The following PCDHGB7 variants were observed in gnomAD, a reference collection of about 807,000 sequenced individuals.
PCDHGB7 encodes protocadherin gamma-B7.
PCDHGB7 carries 37 observed loss-of-function variants against 61.4 expected under a neutral mutation model. The ratio of observed to expected loss-of-function variants is 0.60; its 90% CI spans 0.46 to 0.79. PCDHGB7 has a LOEUF of 0.79. Among genes scored for constraint, PCDHGB7 ranks in the 30% least tolerant of loss-of-function variants. PCDHGB7 has a pLI of 0.00. For missense variants in PCDHGB7, 1,166 were observed against 1,202.5 expected (o/e 0.97, Z 0.45); for synonymous variants, 464 against 503.5 (o/e 0.92, Z 1.05).
chr5:141,478,347 C>T, intron 1 of PCDHGB7: 2 of 1,613,802 alleles, frequency 1.2e-6, no homozygotes, highest in Non-Finnish European at 1.7e-6. Context: ...TCCTTGCACG[C>T]GGACGCCGTG....
intron 1 of PCDHGB7, chr5:141,430,838 G>C (rs866767896): frequency 1.3e-6 from 2 of 1,563,026 alleles, no homozygotes; most frequent in Middle Eastern, 1.7e-4. Context: ...GTGGGAGACC[G>C]GATGCACCCA....
chr5:141,462,070 G>C lies in PCDHGB7; in HGVS notation c.2416-32737G>C, dbSNP rs572217894. Among the ~76,000 whole-genome samples, 18 of 152,196 alleles carry C rather than the reference G, an allele frequency of 1.2e-4. No individual in the cohort carries two copies. In the South Asian group the frequency reaches 3.7e-3, roughly 32 times the overall value. On this transcript the variant is annotated intron_variant, in intron 1 of 3. Coordinates refer to ENST00000398594, the MANE Select transcript of PCDHGB7 (RefSeq NM_018927.4). ...ACTCCCGACCTCAGGTGATCTGCCC[G>C]CCTTGGCCTCCCAAAATGCTGGGAT...
intron 1 of PCDHGB7, among the ~76,000 whole-genome samples, chr5:141,447,975 A>G (rs1352829510): frequency 6.6e-6 from 1 of 151,928 alleles, no homozygotes; most frequent in Non-Finnish European, 1.5e-5. Flanking sequence ...AATCCCAGCT[A>G]CTCGGGAGGC....
chr5:141,429,450 A>G (rs1326036711), intron 1 of PCDHGB7, among the ~76,000 whole-genome samples: 1 of 152,114 alleles, frequency 6.6e-6, no homozygotes, highest in East Asian at 1.9e-4. Context: ...CTTGGGCTAC[A>G]GTAATCCTCC....
At chr5:141,440,150 A>G (rs770863453) in intron 1 of PCDHGB7, 1 of 152,244 alleles carries the variant, frequency 6.6e-6, no homozygotes, top group African/African-American at 2.4e-5. Context: ...ACGCCCCCCA[A>G]TTATAGCTTG....
At chr5:141,471,506 G>A (rs2099258630) in intron 1 of PCDHGB7, 1 of 152,214 alleles carries the variant, frequency 6.6e-6, no homozygotes, top group South Asian at 2.1e-4. Flanking sequence ...GCAAGAGAGG[G>A]AGTAAAAATA....
chr5:141,429,572 T>C (rs1450720834), intron 1 of PCDHGB7, among the ~76,000 whole-genome samples: 1 of 152,226 alleles, frequency 6.6e-6, no homozygotes, highest in South Asian at 2.1e-4. Context: ...TTCAGTTACA[T>C]TTACTTTTGA....
chr5:141,423,648 G>T, intron 1 of PCDHGB7: 1 of 1,590,008 alleles, frequency 6.3e-7, no homozygotes, highest in Admixed American at 1.8e-5. Context: ...AATGTGACCC[G>T]ACAAGTAATC....
At chr5:141,470,508 G>A (rs947583701) in intron 1 of PCDHGB7, among the ~76,000 whole-genome samples, 10 of 152,176 alleles carry the variant, frequency 6.6e-5, no homozygotes, top group African/African-American at 2.4e-4. Flanking sequence ...TAATTAGACA[G>A]TTAGCTAATA....
intron 3 of PCDHGB7, among the ~76,000 whole-genome samples, chr5:141,510,354 G>A (rs1311482557): frequency 2.1e-5 from 3 of 146,300 alleles, no homozygotes; most frequent in Non-Finnish European, 4.5e-5. Flanking sequence ...ACTTACTAAC[G>A]GAACTACCGA....
At chr5:141,492,237 C>G (rs2099738580) in intron 1 of PCDHGB7, among the ~76,000 whole-genome samples, 1 of 152,206 alleles carries the variant, frequency 6.6e-6, no homozygotes, top group Admixed American at 6.5e-5. Flanking sequence ...TCCCTGCTGG[C>G]CACCCCCACG....
chr5:141,422,926 G>GC, intron 1 of PCDHGB7: 1 of 1,614,230 alleles, frequency 6.2e-7, no homozygotes, highest in African/African-American at 1.3e-5. Context: ...CCTGTACCCT[G>GC]CCCTCCCCAC....
Position 141,478,316 on chromosome 5 carries a change from C to T in PCDHGB7, c.2416-16491C>T, listed in dbSNP as rs776948755. ...CCTATACCGAGCCCCGGTGAGCTCA[C>T]TGTACCGAACACCAGGGCCCTCCTT... On this transcript the variant is annotated intron_variant, in intron 1 of 3. Coordinates refer to ENST00000398594, the MANE Select transcript of PCDHGB7 (RefSeq NM_018927.4). 120 of 1,613,924 alleles carry T rather than the reference C, an allele frequency of 7.4e-5. 2 individuals carry two copies. In the South Asian group the frequency reaches 1.3e-3, roughly 18 times the overall value.
At chr5:141,433,699 T>C (rs2097645911) in intron 1 of PCDHGB7, among the ~76,000 whole-genome samples, 1 of 152,082 alleles carries the variant, frequency 6.6e-6, no homozygotes, top group Non-Finnish European at 1.5e-5. Flanking sequence ...TAGCCGGGCG[T>C]GGTGGTGCAT....
At position 141,419,917 on chromosome 5, in the gene PCDHGB7, T is replaced by C; in HGVS notation, c.2058T>C (p.Ala686=). 1 of 1,612,890 alleles carries C rather than the reference T, an allele frequency of 6.2e-7. No individual in the cohort carries two copies. The highest frequency in any genetic ancestry group is 8.5e-7 in the Non-Finnish European group (1 of 1,178,822). ...ATCCCACACCCTCTGACTCCCAGGC[T>C]GAGATGCAGTTTTACCTGGTGGTGG... ...SDHPTPSDSQ[A]EMQFYLVVAL... is the part of the protein sequence containing the mutation. Residue 686 remains alanine, a synonymous_variant, in exon 1 of 4, where the codon GCT becomes GCC. Coordinates refer to ENST00000398594, the MANE Select transcript of PCDHGB7 (RefSeq NM_018927.4).
chr5:141,509,350 G>C (rs2099876432), intron 3 of PCDHGB7, among the ~76,000 whole-genome samples: 5 of 152,142 alleles, frequency 3.3e-5, no homozygotes. Flanking sequence ...GGGCTGGCCT[G>C]GGCATCCCTG....
Position 141,494,842 on chromosome 5 carries a change from G to A in PCDHGB7, c.2451G>A (p.Gln817=). 1 of 1,614,116 alleles carries A rather than the reference G, an allele frequency of 6.2e-7. No homozygotes were observed. Among genetic ancestry groups the A allele is most frequent in the Non-Finnish European group, 8.5e-7 (1 of 1,180,018 alleles). The change falls in exon 2 of 4, where the codon CAG becomes CAA. Residue 817 remains glutamine, a synonymous_variant. Coordinates refer to ENST00000398594, the MANE Select transcript of PCDHGB7 (RefSeq NM_018927.4). ...APPNTDWRFS[Q]AQRPGTSGSQ... is the part of the protein sequence containing the mutation. ...CCAACACGGACTGGCGTTTCTCTCA[G>A]GCCCAGAGACCCGGCACCAGCGGGT... is the stretch of plus-strand genomic sequence containing the variant.
intron 1 of PCDHGB7, among the ~76,000 whole-genome samples, chr5:141,453,993 A>T (rs2098779172): frequency 6.6e-6 from 1 of 152,234 alleles, no homozygotes; most frequent in African/African-American, 2.4e-5. Flanking sequence ...CCAGTGATAA[A>T]CCCACATAAC....
intron 1 of PCDHGB7, chr5:141,424,694 T>C (rs2096834568): frequency 6.6e-6 from 1 of 152,252 alleles, no homozygotes; most frequent in East Asian, 1.9e-4. Flanking sequence ...TCTGGCTATT[T>C]TTTTGTTCAT....
Sources: allele counts gnomAD v4.1 joint callset (sites outside exome capture counted in the v4.1 genomes callset), GRCh38; gene constraint gnomAD v4.1.1; transcripts MANE v1.5; gene names NCBI Gene and HGNC (gene_info 2026-07-23, HGNC 2026-07-21).